SEPTIN12: variants seen among roughly 807,000 people sequenced by gnomAD.
The protein encoded by SEPTIN12 is septin-12.
Under a neutral mutation model 37.7 loss-of-function variants are expected in SEPTIN12, and 42 were observed. The observed-to-expected ratio is 1.11, with a 90% CI of 0.87 to 1.44. SEPTIN12 has a LOEUF of 1.44. Among genes scored for constraint, SEPTIN12 ranks in the 40% most tolerant of loss-of-function variants. The pLI, the probability that SEPTIN12 is intolerant of heterozygous loss-of-function variation, is 0.00. For missense variants in SEPTIN12, 613 were observed against 479.2 expected (o/e 1.28, Z -2.61); for synonymous variants, 254 against 196.7 (o/e 1.29, Z -2.44).
intron 7 of SEPTIN12, among the ~76,000 whole-genome samples, chr16:4,781,903 C>G (rs1028271933): frequency 7.0e-6 from 1 of 142,172 alleles, no homozygotes; most frequent in African/African-American, 2.7e-5. Flanking sequence ...CTCAGCCGCC[C>G]AAAGTGCTGG....
chr16:4,786,659 A>C (rs1019021678), intron 2 of SEPTIN12, among the ~76,000 whole-genome samples: 2 of 150,830 alleles, frequency 1.3e-5, no homozygotes, highest in African/African-American at 4.9e-5. Flanking sequence ...CCGGCCTTGC[A>C]CTGTTTTTTA....
chr16:4,785,875 C>T lies in SEPTIN12; in HGVS notation c.306G>A (p.Lys102=), dbSNP rs759737650. Residue 102 remains lysine (K), a synonymous_variant, in exon 4 of 10, where the codon AAG becomes AAA. Coordinates refer to ENST00000268231, the MANE Select transcript of SEPTIN12 (RefSeq NM_144605.5). The part of the protein sequence containing the change: ...LHSLTHVIEE[K]GVKLKLTVTD... ...TCACCGTCAGCTTCAGCTTCACACC[C>T]TTCTCCTCTATGACTGTGGAGGGAG... is the stretch of plus-strand genomic sequence containing the variant. 126 of 1,611,186 alleles carry T rather than the reference C, an allele frequency of 7.8e-5. 1 individual carries two copies. In the South Asian group the frequency reaches 1.3e-3, roughly 17 times the overall value.
chr16:4,790,606 G>A (rs1273548300), upstream of SEPTIN12, among the ~76,000 whole-genome samples: 1 of 152,142 alleles, frequency 6.6e-6, no homozygotes, highest in Admixed American at 6.6e-5. Context: ...TGGCCAACAT[G>A]GCGAAACCCC....
rs12443659 is a variant in SEPTIN12, at chr16:4,784,377, A to C, written c.375-309T>G. 159,498 of 353,658 alleles carry C rather than the reference A, an allele frequency of 0.45. 36,400 individuals are homozygous for C. The highest frequency in any genetic ancestry group is 0.52 in the Admixed American group (13,950 of 26,666). The allele number at this position is 353,658 out of a possible 1,614,324, so 21.9% of individuals were successfully genotyped here. The stretch of plus-strand genomic sequence containing the variant: ...ACAGCTGGGCCCAAACCACCAAGGA[A>C]TCGCGCCTGATGGTTGCAGGGGTCT... On this transcript the variant is annotated intron_variant, in intron 4 of 9. Transcript: ENST00000268231.
chr16:4,784,502 G>T (rs1327831313), intron 4 of SEPTIN12, among the ~76,000 whole-genome samples: 1 of 152,186 alleles, frequency 6.6e-6, no homozygotes, highest in Non-Finnish European at 1.5e-5. Flanking sequence ...AGGCCCGATG[G>T]CTCATGCCTG....
At chr16:4,789,526 CTG>C (rs2082517603), upstream of SEPTIN12, among the ~76,000 whole-genome samples, 1 of 152,048 alleles carries the variant, frequency 6.6e-6, no homozygotes, top group Non-Finnish European at 1.5e-5. Context: ...CTGGTTTTCC[CTG>C]TGTTAGCCAG....
chr16:4,789,105 G>C (rs879783644), upstream of SEPTIN12, among the ~76,000 whole-genome samples: 2 of 152,064 alleles, frequency 1.3e-5, no homozygotes, highest in African/African-American at 4.8e-5. Flanking sequence ...TGCAACCTCC[G>C]CCTCCTGGGT....
chr16:4,783,288 G>A (rs1401086578), intron 7 of SEPTIN12, 174 bp downstream of exon 7: 2 of 627,764 alleles, frequency 3.2e-6, no homozygotes, highest in African/African-American at 1.8e-5. Context: ...TCTGTGGGTT[G>A]TTAGTGTGAG....
chr16:4,785,583 G>A (rs1270138086), intron 4 of SEPTIN12: 2 of 507,728 alleles, frequency 3.9e-6, no homozygotes, highest in Non-Finnish European at 3.6e-6. Context: ...AGACCAGCCT[G>A]GCCAACATGG....
chr16:4,783,431 C>G, intron 7 of SEPTIN12, 31 bp downstream of exon 7: 1 of 1,542,124 alleles, frequency 6.5e-7, no homozygotes, highest in Non-Finnish European at 9.0e-7. Flanking sequence ...AGGAAATCAC[C>G]TCGCCCGCCT....
rs2082422978 is a variant in SEPTIN12, at chr16:4,785,184, G to A, written c.374+623C>T. ...AGAATTGCTTGAACCCCGGGAGGCG[G>A]AGGTTGCAGTGAGCAGAGATTGTGC... On this transcript the variant is annotated intron_variant, in intron 4 of 9. Coordinates refer to ENST00000268231, the MANE Select transcript of SEPTIN12 (RefSeq NM_144605.5). 2.6e-5 allele frequency among the ~76,000 whole-genome samples: 4 copies of A among 152,024 alleles called. No homozygotes were observed. The South Asian group carries it at 8.3e-4, about 32-fold the overall frequency.
Position 4,787,571 on chromosome 16 carries a change from C to G in SEPTIN12, c.75G>C (p.Glu25Asp), listed in dbSNP as rs1484474414. ...QPSSPSTPPC[E>D]MLGPVGIEAV... is the part of the protein sequence containing the mutation. ...CCTCAATGCCCACAGGACCAAGCATCTCGCAGGGTGGGGTGCTGGGGCTGG... is the reference window on the plus strand; with the variant it reads ...CCTCAATGCCCACAGGACCAAGCATGTCGCAGGGTGGGGTGCTGGGGCTGG... The change falls in exon 2 of 10, where the codon GAG becomes GAC. Residue 25 changes from glutamate (E) to aspartate (D), a missense_variant. Glu to Asp is a conservative substitution (Grantham distance 45). Coordinates refer to ENST00000268231, the MANE Select transcript of SEPTIN12 (RefSeq NM_144605.5). 1 of 1,610,520 alleles carries G rather than the reference C, an allele frequency of 6.2e-7. No individual in the cohort carries two copies. The highest frequency in any genetic ancestry group is 1.1e-5 in the South Asian group (1 of 91,086).
chr16:4,787,785 T>A (rs1217812295), intron 1 of SEPTIN12, 118 bp from the exon 2 acceptor site: 1 of 605,254 alleles, frequency 1.7e-6, no homozygotes, highest in African/African-American at 1.9e-5. Context: ...CCACACTTCA[T>A]GCCTCTGGTG....
In SEPTIN12 at chr16:4,783,727, G is replaced by A. The variant is rs764376608; in HGVS notation, c.552C>T (p.Cys184=). The change falls in exon 6 of 10, where the codon TGC becomes TGT. Residue 184 remains cysteine (C), a synonymous_variant. Coordinates refer to ENST00000268231, the MANE Select transcript of SEPTIN12 (RefSeq NM_144605.5). ...TCACGGGCACCACATTCACAGTCCG[G>A]CACAGCCGCTGCAGGAACTCAATGT... is the stretch of plus-strand genomic sequence containing the variant. ...PLDIEFLQRL[C]RTVNVVPVIA... 270 of 1,613,900 alleles carry A rather than the reference G, an allele frequency of 1.7e-4. No homozygotes were observed. Among genetic ancestry groups the A allele is most frequent in the Non-Finnish European group, 2.2e-4 (265 of 1,179,998 alleles).
At position 4,779,768 on chromosome 16, in the gene SEPTIN12, C is replaced by T. The variant is rs759564248; in HGVS notation, c.745G>A (p.Val249Met). 22 of 1,612,328 alleles carry T rather than the reference C, an allele frequency of 1.4e-5. No homozygotes were observed. The highest frequency in any genetic ancestry group is 1.6e-4 in the Middle Eastern group (1 of 6,082). ...AGGTGCTCTTGGTCAGCCCCTACCA[C>T]GGCAAAAGGGATTCGGTCCTGGGAA... ...SKLRDRIPFAVVGADQEHLVN... is the reference protein window; with the variant it reads ...SKLRDRIPFAMVGADQEHLVN... Residue 249 changes from valine (V) to methionine (M), a missense_variant, in exon 8 of 10, where the codon GTG (valine) becomes ATG (methionine). Coordinates refer to ENST00000268231, the MANE Select transcript of SEPTIN12 (RefSeq NM_144605.5).
Position 4,788,279 on chromosome 16 carries a change from C to T in SEPTIN12, c.-23+1G>A, listed in dbSNP as rs556871485. The T allele has an allele frequency of 6.5e-6, 1 of 153,814 alleles. No individual in the cohort carries two copies. The highest frequency in any genetic ancestry group is 2.4e-5 in the African/African-American group (1 of 41,530). The allele number at this position is 153,814 out of a possible 1,614,324, so 9.5% of individuals were successfully genotyped here. On this transcript the variant is annotated splice_donor_variant, in intron 1 of 9. Transcript: ENST00000268231. LOFTEE classifies it low-confidence loss of function (5UTR_SPLICE). ...GAGAGAGAAGCAGCCTGCTGTGACA[C>T]CTGGTGGACGTGGGTCCTGGTGGAG...
At chr16:4,791,501 C>T (rs984644582), upstream of SEPTIN12, among the ~76,000 whole-genome samples, 1 of 152,076 alleles carries the variant, frequency 6.6e-6, no homozygotes, top group South Asian at 2.1e-4. Flanking sequence ...ATTAACATAC[C>T]CATTTTACAG....
rs1397725454 is a variant in SEPTIN12, at chr16:4,784,049, A to C, written c.394T>G (p.Tyr132Asp). Residue 132 changes from tyrosine (Y) to aspartate (D), a missense_variant, in exon 5 of 10, where the codon TAC becomes GAC. Tyr to Asp is a radical substitution (Grantham distance 160). Coordinates refer to ENST00000268231, the MANE Select transcript of SEPTIN12 (RefSeq NM_144605.5). ...TACTGCTCGTATTGCTCGTTGATGT[A>C]GCCCAGGATGGGGTCCCAGCTGAGG... ...NDNCWDPILG[Y>D]INEQYEQYLQ... is the part of the protein sequence containing the mutation. 3 of 1,614,050 alleles carry C rather than the reference A, an allele frequency of 1.9e-6. No individual in the cohort carries two copies. In the East Asian group the frequency reaches 6.7e-5, roughly 36 times the overall value.
In SEPTIN12 at chr16:4,787,605, G is replaced by A. The variant is rs1222963313; in HGVS notation, c.41C>T (p.Ser14Leu). 26 of 1,604,112 alleles carry A rather than the reference G, an allele frequency of 1.6e-5. No individual in the cohort carries two copies. Among genetic ancestry groups the A allele is most frequent in the East Asian group, 2.2e-5 (1 of 44,880 alleles). ...TGGGGTGCTGGGGCTGGAGGGCTGC[G>A]AGGACAGGCAGGGAGAGGGGGAGCG... ...LRRSPSPCLSSQPSSPSTPPC... is the reference protein window; with the variant it reads ...LRRSPSPCLSLQPSSPSTPPC... The change falls in exon 2 of 10, where the codon TCG becomes TTG. Residue 14 changes from serine to leucine, a missense_variant. By Grantham distance (145) the Ser-to-Leu change is moderately radical (BLOSUM62 -2). Coordinates refer to ENST00000268231, the MANE Select transcript of SEPTIN12 (RefSeq NM_144605.5).
Sources: allele counts gnomAD v4.1 joint callset (sites outside exome capture counted in the v4.1 genomes callset), GRCh38; gene constraint gnomAD v4.1.1; transcripts MANE v1.5; gene names NCBI Gene and HGNC (gene_info 2026-07-23, HGNC 2026-07-21).